SDK1: variants seen among roughly 807,000 people sequenced by gnomAD.
SDK1 encodes the protein protein sidekick-1.
In SDK1, 157 loss-of-function variants were observed where a neutral mutation model predicts 245.5. The ratio of observed to expected loss-of-function variants is 0.64; its 90% confidence interval spans 0.56 to 0.73. SDK1 has a LOEUF of 0.73. SDK1 is among the 30% of genes least tolerant of loss of function. SDK1 has a pLI of 0.00. For synonymous variants in SDK1, 1,647 were observed against 1,278.5 expected, an observed-to-expected ratio of 1.29 and a Z score of -6.15; for missense variants, 3,583 against 3,002.3, an observed-to-expected ratio of 1.19 and a Z score of -4.52.
intron 5 of SDK1, among the ~76,000 whole-genome samples, chr7:3,878,613 C>T (rs563994456): frequency 1.3e-5 from 2 of 152,158 alleles, no homozygotes; most frequent in South Asian, 2.1e-4. Context: ...CTGTATTTAT[C>T]GGAATTGGTG....
chr7:3,616,650 A>G (rs1781781670), intron 1 of SDK1, among the ~76,000 whole-genome samples: 1 of 152,236 alleles, frequency 6.6e-6, no homozygotes, highest in Non-Finnish European at 1.5e-5. Flanking sequence ...ATGAATAAAT[A>G]CTTGTGAGAG....
At chr7:3,655,040 C>T (rs1239126531) in intron 4 of SDK1, among the ~76,000 whole-genome samples, 1 of 113,766 alleles carries the variant, frequency 8.8e-6, no homozygotes, top group Non-Finnish European at 1.8e-5. Flanking sequence ...TTAGTTGAAT[C>T]ATAGCTTGCT....
intron 22 of SDK1, among the ~76,000 whole-genome samples, chr7:4,094,719 T>G (rs907353304): frequency 6.6e-6 from 1 of 152,160 alleles, no homozygotes; most frequent in African/African-American, 2.4e-5. Flanking sequence ...ACATCGGGAT[T>G]GCAGCGAGAG....
At chr7:4,072,538 T>C (rs367773250) in intron 20 of SDK1, among the ~76,000 whole-genome samples, 2 of 152,204 alleles carry the variant, frequency 1.3e-5, no homozygotes, top group African/African-American at 4.8e-5. Context: ...TAGACATAGT[T>C]TTCCAGTGGA....
At chr7:3,890,516 A>T (rs968293166) in intron 5 of SDK1, among the ~76,000 whole-genome samples, 19 of 152,218 alleles carry the variant, frequency 1.2e-4, no homozygotes, top group African/African-American at 4.3e-4. Flanking sequence ...CATGTGTAAC[A>T]TGGACTATGC....
intron 33 of SDK1, 150 bp downstream of exon 33, chr7:4,174,507 AC>A: frequency 1.1e-6 from 1 of 887,422 alleles, no homozygotes; most frequent in Non-Finnish European, 1.7e-6. Flanking sequence ...AGGCGGGTTT[AC>A]CCACCAGGGG....
chr7:3,502,605 A>C (rs1782252655), intron 1 of SDK1, among the ~76,000 whole-genome samples: 1 of 152,246 alleles, frequency 6.6e-6, no homozygotes. Context: ...TTGCACATAC[A>C]AAATTTGGAT....
intron 1 of SDK1, among the ~76,000 whole-genome samples, chr7:3,432,134 T>TA (rs71029671): frequency 6.8e-6 from 1 of 147,734 alleles, no homozygotes; most frequent in Non-Finnish European, 1.5e-5. Context: ...AATATATATA[T>TA]GTATTTTATA....
intron 4 of SDK1, among the ~76,000 whole-genome samples, chr7:3,767,351 G>A (rs1229439621): frequency 2.6e-5 from 4 of 152,140 alleles, no homozygotes; most frequent in Non-Finnish European, 4.4e-5. Context: ...AGCAGCCTGG[G>A]AATGTGTAAA....
At chr7:3,308,066 A>G (rs913013299) in intron 1 of SDK1, among the ~76,000 whole-genome samples, 1 of 152,200 alleles carries the variant, frequency 6.6e-6, no homozygotes, top group Non-Finnish European at 1.5e-5. Context: ...GCCGTCTAAC[A>G]CATGATATAT....
intron 1 of SDK1, among the ~76,000 whole-genome samples, chr7:3,477,957 C>T (rs997253365): frequency 2.6e-5 from 4 of 152,142 alleles, no homozygotes; most frequent in African/African-American, 9.7e-5. Flanking sequence ...TGTTAGAGAT[C>T]TGCCTTTACT....
chr7:3,454,600 G>A (rs1281796309), intron 1 of SDK1, among the ~76,000 whole-genome samples: 1 of 152,104 alleles, frequency 6.6e-6, no homozygotes, highest in African/African-American at 2.4e-5. Flanking sequence ...CTATAATACG[G>A]TATGTAACCT....
At chr7:3,435,242 C>T (rs1227717384) in intron 1 of SDK1, among the ~76,000 whole-genome samples, 2 of 146,072 alleles carry the variant, frequency 1.4e-5, no homozygotes, top group African/African-American at 2.5e-5. Flanking sequence ...GGCATTAAAA[C>T]AGATTATACT....
At chr7:3,742,517 G>A (rs559566639) in intron 4 of SDK1, among the ~76,000 whole-genome samples, 13 of 152,186 alleles carry the variant, frequency 8.5e-5, no homozygotes, top group African/African-American at 3.1e-4. Flanking sequence ...AGTTTCTCCC[G>A]ACATTTGCAT....
chr7:3,818,404 A>C (rs1307597742), intron 4 of SDK1, among the ~76,000 whole-genome samples: 1 of 152,238 alleles, frequency 6.6e-6, no homozygotes, highest in Non-Finnish European at 1.5e-5. Flanking sequence ...TCTGATAGCA[A>C]AAGTGATATT....
In SDK1 at chr7:3,921,963, C is replaced by G. The variant is rs138213201; in HGVS notation, c.848-28960C>G. ...CCTGGGCAACAGAGTTAGGCCCTGT[C>G]TCCAAAATAAGTAAATAAGCAATGA... On this transcript the variant is annotated intron_variant, in intron 5 of 44. Transcript: ENST00000404826. 3.0e-3 allele frequency among the ~76,000 whole-genome samples: 460 copies of G among 152,214 alleles called. 2 individuals carry two copies. Among genetic ancestry groups the G allele is most frequent in the Non-Finnish European group, 5.0e-3 (338 of 68,008 alleles).
intron 1 of SDK1, among the ~76,000 whole-genome samples, chr7:3,520,449 T>C (rs1356695332): frequency 6.6e-6 from 1 of 152,164 alleles, no homozygotes; most frequent in Non-Finnish European, 1.5e-5. Flanking sequence ...GCTGTCGAAC[T>C]CTGCTGTGTT....
At chr7:4,003,268 A>C (rs1278051523) in intron 14 of SDK1, among the ~76,000 whole-genome samples, 1 of 152,124 alleles carries the variant, frequency 6.6e-6, no homozygotes, top group Non-Finnish European at 1.5e-5. Flanking sequence ...CTCCAGACCA[A>C]CCACTCATGG....
chr7:3,612,466 A>G (rs1157142351), intron 1 of SDK1, among the ~76,000 whole-genome samples: 3 of 152,192 alleles, frequency 2.0e-5, no homozygotes, highest in Non-Finnish European at 4.4e-5. Context: ...CAATAGGTAT[A>G]CATAATGAAC....
Sources: allele counts gnomAD v4.1 joint callset (sites outside exome capture counted in the v4.1 genomes callset), GRCh38; gene constraint gnomAD v4.1.1; transcripts MANE v1.5; gene names NCBI Gene and HGNC (gene_info 2026-07-23, HGNC 2026-07-21).